Variants in FCRL2 observed in about 807,000 individuals in gnomAD.
FCRL2 encodes the protein Fc receptor-like protein 2.
FCRL2 carries 48 observed loss-of-function variants against 59.8 expected under a neutral mutation model. The ratio of observed to expected loss-of-function variants is 0.80; its 90% CI spans 0.64 to 1.02. FCRL2 has a LOEUF of 1.02. Ranked by LOEUF, FCRL2 falls within the 50% of genes least tolerant of loss-of-function variation. The probability of loss-of-function intolerance (pLI) is 0.00; values close to 1 mark genes in which losing one functional copy is unlikely to be tolerated. For missense variants in FCRL2, 658 were observed against 597.3 expected (o/e 1.10, Z -1.06); for synonymous variants, 251 against 229.5 (o/e 1.09, Z -0.85).
chr1:157,767,407 G>T lies in FCRL2; in HGVS notation c.986C>A (p.Pro329Gln), dbSNP rs146267875. The change falls in exon 6 of 12, where the codon CCA becomes CAA. Residue 329 changes from proline (P) to glutamine (Q), a missense_variant. Physicochemically the swap from Pro to Gln is moderately conservative, Grantham distance 76. Transcript: ENST00000361516. The part of the protein sequence containing the change: ...LHCEALRGSP[P>Q]ILYQFYHEDV... ...CTCATGATAAAATTGGTACAAGATT[G>T]GGGGAGAGCCTCTCAGGGCCTCACA... 2.8e-5 allele frequency: 46 copies of T among 1,614,098 alleles called. No individual in the cohort carries two copies. Among genetic ancestry groups the T allele is most frequent in the African/African-American group, 5.3e-5 (4 of 74,938 alleles).
In FCRL2 at chr1:157,777,103, A is replaced by G; in HGVS notation, c.-30T>C. 1 of 1,614,170 alleles carries G rather than the reference A, an allele frequency of 6.2e-7. No individual in the cohort carries two copies. Among genetic ancestry groups the G allele is most frequent in the Non-Finnish European group, 8.5e-7 (1 of 1,180,002 alleles). On this transcript the variant is annotated 5_prime_UTR_variant, in exon 1 of 12. Transcript: ENST00000361516. ...ACCTAATCCAGCTATTTGAAAAGAG[A>G]TGTACTCTTGGTCACCAACTGGAGA...
chr1:157,762,310 A>G (rs982441041), intron 7 of FCRL2, among the ~76,000 whole-genome samples: 1 of 151,918 alleles, frequency 6.6e-6, no homozygotes. Context: ...CAGAGGGTGG[A>G]CCTGCCACTG....
At chr1:157,750,024 T>C (rs144280472) in intron 7 of FCRL2, among the ~76,000 whole-genome samples, 2 of 152,250 alleles carry the variant, frequency 1.3e-5, no homozygotes, top group African/African-American at 4.8e-5. Flanking sequence ...ATTTTAACCA[T>C]TGATGACTAA....
intron 2 of FCRL2, among the ~76,000 whole-genome samples, chr1:157,773,881 A>G (rs953678144): frequency 1.3e-5 from 2 of 152,162 alleles, no homozygotes; most frequent in African/African-American, 2.4e-5. Context: ...GAGGTGCCCA[A>G]TAGAATCATG....
At chr1:157,749,882 T>A (rs772164542) in intron 7 of FCRL2, among the ~76,000 whole-genome samples, 3 of 152,368 alleles carry the variant, frequency 2.0e-5, no homozygotes, top group South Asian at 2.1e-4. Flanking sequence ...CCCACTGATT[T>A]AAAATGCCAC....
intron 5 of FCRL2, 40 bp downstream of exon 5, chr1:157,768,374 C>A: frequency 1.3e-6 from 2 of 1,589,244 alleles, no homozygotes; most frequent in South Asian, 1.2e-5. Flanking sequence ...TGACCTTGGT[C>A]TGGGAATTTC....
chr1:157,762,815 G>T (rs1005259370), intron 7 of FCRL2, among the ~76,000 whole-genome samples: 6 of 152,176 alleles, frequency 3.9e-5, no homozygotes, highest in Non-Finnish European at 7.3e-5. Context: ...TAAATAAAGT[G>T]CCAGTGAAGG....
intron 2 of FCRL2, chr1:157,774,421 C>T (rs757434357): frequency 5.0e-5 from 23 of 456,400 alleles, no homozygotes; most frequent in South Asian, 3.6e-4. Flanking sequence ...CTGCTCTTTC[C>T]AGTACATCAT....
intron 7 of FCRL2, among the ~76,000 whole-genome samples, chr1:157,757,998 C>T (rs1002593629): frequency 3.3e-5 from 5 of 152,176 alleles, no homozygotes; most frequent in African/African-American, 1.2e-4. Context: ...CTTTAAGCCA[C>T]CCAATCTGTG....
At chr1:157,747,703 T>C (rs1173269267) in intron 10 of FCRL2, among the ~76,000 whole-genome samples, 2 of 152,202 alleles carry the variant, frequency 1.3e-5, no homozygotes, top group Non-Finnish European at 2.9e-5. Flanking sequence ...ATAAGCATTG[T>C]AGTTTTAAGG....
intron 7 of FCRL2, among the ~76,000 whole-genome samples, chr1:157,758,499 A>T (rs1387577529): frequency 3.3e-5 from 5 of 152,152 alleles, no homozygotes; most frequent in Admixed American, 3.3e-4. Flanking sequence ...ATGAAAAAAT[A>T]TTCCATGCTC....
At chr1:157,760,037 C>A (rs1282724351) in intron 7 of FCRL2, among the ~76,000 whole-genome samples, 1 of 152,154 alleles carries the variant, frequency 6.6e-6, no homozygotes, top group Non-Finnish European at 1.5e-5. Flanking sequence ...GACATGGAAT[C>A]AACCTAGATG....
chr1:157,763,486 T>C (rs781481723), intron 7 of FCRL2, among the ~76,000 whole-genome samples: 1 of 151,920 alleles, frequency 6.6e-6, no homozygotes, highest in Non-Finnish European at 1.5e-5. Flanking sequence ...GAACACACCA[T>C]TGTGCTCCAG....
At chr1:157,767,613 G>A in intron 5 of FCRL2, 104 bp from the exon 6 acceptor site, 2 of 1,613,720 alleles carry the variant, frequency 1.2e-6, no homozygotes, top group Non-Finnish European at 1.7e-6. Flanking sequence ...CATGGCTGTT[G>A]CATATTTTCC....
Position 157,767,219 on chromosome 1 carries a change from A to T in FCRL2, c.1162+12T>A, listed in dbSNP as rs750147748. The stretch of plus-strand genomic sequence containing the variant: ...TGACATCAAACTCTGTATCCAGGTA[A>T]CACCCACCCACCTGAGATGGAGACT... On this transcript the variant is annotated intron_variant, in intron 6 of 11. Coordinates refer to ENST00000361516, the MANE Select transcript of FCRL2 (RefSeq NM_030764.4). 2 of 1,605,598 alleles carry T rather than the reference A, an allele frequency of 1.2e-6. No homozygotes were observed. Among genetic ancestry groups the T allele is most frequent in the Non-Finnish European group, 1.7e-6 (2 of 1,176,014 alleles).
At chr1:157,755,985 C>G (rs1648561620) in intron 7 of FCRL2, among the ~76,000 whole-genome samples, 1 of 152,112 alleles carries the variant, frequency 6.6e-6, no homozygotes, top group Non-Finnish European at 1.5e-5. Context: ...GTATTTGTAA[C>G]ATATTTATTC....
At chr1:157,764,951 A>C (rs1483762920) in intron 7 of FCRL2, among the ~76,000 whole-genome samples, 1 of 152,172 alleles carries the variant, frequency 6.6e-6, no homozygotes, top group Non-Finnish European at 1.5e-5. Flanking sequence ...AATTAGCAAA[A>C]GGAAAGAAAT....
chr1:157,749,534 G>T (rs1648020619), intron 8 of FCRL2, 116 bp downstream of exon 8: 2 of 709,780 alleles, frequency 2.8e-6, no homozygotes, highest in Non-Finnish European at 4.8e-6. Flanking sequence ...ATTATAGAAA[G>T]ATACCATGTT....
chr1:157,751,806 C>T (rs1396278542), intron 7 of FCRL2, among the ~76,000 whole-genome samples: 1 of 152,204 alleles, frequency 6.6e-6, no homozygotes, highest in Non-Finnish European at 1.5e-5. Context: ...TCACCTGCAT[C>T]ACAAGATGCA....
Sources: allele counts gnomAD v4.1 joint callset (sites outside exome capture counted in the v4.1 genomes callset), GRCh38; gene constraint gnomAD v4.1.1; transcripts MANE v1.5; gene names NCBI Gene and HGNC (gene_info 2026-07-23, HGNC 2026-07-21).